Variants in AFF3 observed in about 807,000 individuals in gnomAD.
The protein encoded by AFF3 is AF4/FMR2 family member 3.
Under a neutral mutation model 129.7 loss-of-function variants are expected in AFF3, and 32 were observed. The observed-to-expected ratio is 0.25, with a 90% CI of 0.19 to 0.33. The LOEUF is 0.33. Among genes scored for constraint, AFF3 ranks in the 10% least tolerant of loss-of-function variants. The pLI is 1.00. For missense variants in AFF3, 1,373 were observed against 1,592.0 expected (o/e 0.86, Z 2.34); for synonymous variants, 644 against 635.4 (o/e 1.01, Z -0.20).
intron 8 of AFF3, among the ~76,000 whole-genome samples, chr2:99,814,231 A>AATC (rs1553458866): frequency 1.3e-5 from 2 of 150,938 alleles, no homozygotes; most frequent in Non-Finnish European, 3.0e-5. Context: ...TAATCACACA[A>AATC]ACCACCACCA....
At chr2:99,690,278 T>C (rs1278764418) in intron 11 of AFF3, among the ~76,000 whole-genome samples, 1 of 150,000 alleles carries the variant, frequency 6.7e-6, no homozygotes, top group African/African-American at 2.4e-5. Context: ...CCTCCCGGGT[T>C]CACGCCATTT....
chr2:99,885,194 T>C (rs1247257397), intron 7 of AFF3, among the ~76,000 whole-genome samples: 4 of 152,170 alleles, frequency 2.6e-5, no homozygotes, highest in Non-Finnish European at 5.9e-5. Flanking sequence ...GGCGTTCCTA[T>C]TGGGAACATC....
chr2:100,092,125 T>C (rs1215929075), intron 4 of AFF3, among the ~76,000 whole-genome samples: 2 of 152,090 alleles, frequency 1.3e-5, no homozygotes, highest in Non-Finnish European at 2.9e-5. Context: ...TTTAGTAAAC[T>C]TCCTAGAGAC....
At position 99,810,892 on chromosome 2, in the gene AFF3, G is replaced by A. The variant is rs116282573; in HGVS notation, c.921+26585C>T. Among the ~76,000 whole-genome samples the A allele has an allele frequency of 3.1e-3, 479 of 152,214 alleles. 4 individuals carry two copies. The highest frequency in any genetic ancestry group is 0.011 in the African/African-American group (454 of 41,500). On this transcript the variant is annotated intron_variant, in intron 8 of 24. Transcript: ENST00000672756. ...GCCCCTTTTTCCATCTTCAAAGCCA[G>A]CGACACTGGACAAGTCTTTCTGATG... is the stretch of plus-strand genomic sequence containing the variant.
chr2:99,683,076 G>A (rs540579230), intron 11 of AFF3, among the ~76,000 whole-genome samples: 2 of 152,312 alleles, frequency 1.3e-5, no homozygotes, highest in South Asian at 4.1e-4. Flanking sequence ...CCTATGTTAA[G>A]TGTCTACTTG....
chr2:100,086,205 G>A (rs887811453), intron 4 of AFF3, among the ~76,000 whole-genome samples: 2 of 152,166 alleles, frequency 1.3e-5, no homozygotes, highest in Non-Finnish European at 2.9e-5. Flanking sequence ...GAATTATGAT[G>A]CATACTGCCA....
At chr2:99,839,737 G>A (rs1035187260) in intron 7 of AFF3, among the ~76,000 whole-genome samples, 1 of 151,528 alleles carries the variant, frequency 6.6e-6, no homozygotes, top group African/African-American at 2.4e-5. Context: ...TCAGTCACCC[G>A]AGTAGCTGAA....
At chr2:99,902,651 C>T (rs1466321274) in intron 7 of AFF3, among the ~76,000 whole-genome samples, 1 of 152,088 alleles carries the variant, frequency 6.6e-6, no homozygotes, top group Non-Finnish European at 1.5e-5. Flanking sequence ...GGAAGAATCA[C>T]CTCCAAATTT....
intron 8 of AFF3, among the ~76,000 whole-genome samples, chr2:99,830,266 T>C (rs1014423871): frequency 3.9e-4 from 59 of 152,022 alleles, no homozygotes; most frequent in Middle Eastern, 3.4e-3. Context: ...TCTGCACATG[T>C]ATCCCAGAGC....
At chr2:100,023,906 G>C (rs774527074) in intron 4 of AFF3, among the ~76,000 whole-genome samples, 1 of 152,184 alleles carries the variant, frequency 6.6e-6, no homozygotes, top group Non-Finnish European at 1.5e-5. Context: ...ACCAGCAATA[G>C]CATATTTAGG....
intron 8 of AFF3, among the ~76,000 whole-genome samples, chr2:99,805,117 G>T (rs1045823491): frequency 8.5e-5 from 13 of 152,138 alleles, no homozygotes; most frequent in African/African-American, 3.1e-4. Flanking sequence ...TTTTCTTAGT[G>T]TAATTGACAG....
intron 16 of AFF3, among the ~76,000 whole-genome samples, chr2:99,586,691 T>C (rs541464525): frequency 1.3e-5 from 2 of 152,286 alleles, no homozygotes; most frequent in Admixed American, 6.5e-5. Context: ...GGGTGGCCAT[T>C]TAACCTTGGG....
intron 10 of AFF3, among the ~76,000 whole-genome samples, chr2:99,734,764 T>C (rs1274286498): frequency 2.6e-5 from 4 of 152,176 alleles, no homozygotes; most frequent in African/African-American, 9.6e-5. Flanking sequence ...CTTGGCTGGA[T>C]GGAATTTACA....
intron 7 of AFF3, among the ~76,000 whole-genome samples, chr2:99,855,839 C>G (rs966596304): frequency 3.3e-5 from 5 of 152,264 alleles, no homozygotes; most frequent in African/African-American, 9.6e-5. Flanking sequence ...AACACTGTCT[C>G]TGCCAAGTGA....
chr2:99,602,445 T>G (rs1679931369), intron 13 of AFF3, among the ~76,000 whole-genome samples: 2 of 152,326 alleles, frequency 1.3e-5, no homozygotes, highest in Middle Eastern at 3.4e-3. Context: ...CAAGAAAAAT[T>G]GACTGATGCT....
At chr2:100,006,510 T>C in intron 7 of AFF3, 122 bp downstream of exon 7, 1 of 1,279,424 alleles carries the variant, frequency 7.8e-7, no homozygotes, top group East Asian at 2.3e-5. Context: ...CTGCTACAAA[T>C]CCTACCACAT....
At chr2:99,614,254 T>G (rs1425294686) in intron 13 of AFF3, among the ~76,000 whole-genome samples, 1 of 152,200 alleles carries the variant, frequency 6.6e-6, no homozygotes, top group African/African-American at 2.4e-5. Flanking sequence ...CAACAGAACC[T>G]GCCACATTTA....
intron 7 of AFF3, among the ~76,000 whole-genome samples, chr2:99,918,585 T>C (rs1377384503): frequency 2.6e-5 from 4 of 152,200 alleles, no homozygotes; most frequent in Admixed American, 1.3e-4. Flanking sequence ...CATTCCTTTA[T>C]TCATTCATTC....
chr2:99,726,986 CATT>C (rs1679411131), intron 11 of AFF3, 88 bp downstream of exon 11: 3 of 1,161,458 alleles, frequency 2.6e-6, no homozygotes, highest in Admixed American at 2.7e-5. Flanking sequence ...CTTCCATCAT[CATT>C]ATTACTATTA....
Sources: allele counts gnomAD v4.1 joint callset (sites outside exome capture counted in the v4.1 genomes callset), GRCh38; gene constraint gnomAD v4.1.1; transcripts MANE v1.5; gene names NCBI Gene and HGNC (gene_info 2026-07-23, HGNC 2026-07-21).